MAP7D2: variants seen among roughly 807,000 people sequenced by gnomAD.
The protein encoded by MAP7D2 is MAP7 domain containing 2.
MAP7D2 carries 33 observed loss-of-function variants against 63.5 expected under a neutral mutation model. The observed-to-expected ratio is 0.52, with a 90% CI of 0.39 to 0.70. The LOEUF is 0.70. Ranked by LOEUF, MAP7D2 falls within the 30% of genes least tolerant of loss-of-function variation. The pLI, the probability that MAP7D2 is intolerant of heterozygous loss-of-function variation, is 0.00. For missense variants in MAP7D2, 626 were observed against 604.0 expected, an observed-to-expected ratio of 1.04 and a Z score of -0.38; for synonymous variants, 224 against 223.7, an observed-to-expected ratio of 1.00 and a Z score of -0.01.
chrX:20,027,363 C>T (rs765870663), intron 8 of MAP7D2, among the ~76,000 whole-genome samples: 1 of 112,190 alleles, frequency 8.9e-6, no homozygotes, highest in East Asian at 2.8e-4. Context: ...CGCTGATCTT[C>T]TATTTTTTCC....
chrX:20,021,115 G>C (rs2073623507), intron 10 of MAP7D2, among the ~76,000 whole-genome samples: 1 of 112,266 alleles, frequency 8.9e-6, no homozygotes, highest in Admixed American at 9.4e-5. Flanking sequence ...CCCCAGGGTG[G>C]ACCCGGCGTC....
chrX:20,044,961 G>A, intron 6 of MAP7D2, among the ~76,000 whole-genome samples: 1 of 111,689 alleles, frequency 9.0e-6, no homozygotes, highest in Non-Finnish European at 1.9e-5. Context: ...TGTCTAAACT[G>A]TTTATACAAA....
intron 1 of MAP7D2, among the ~76,000 whole-genome samples, chrX:20,095,359 T>C (rs1451534045): frequency 9.0e-6 from 1 of 111,222 alleles, no homozygotes; most frequent in East Asian, 2.8e-4. Context: ...GGCAACATAG[T>C]GAGACCACAT....
intron 8 of MAP7D2, among the ~76,000 whole-genome samples, chrX:20,035,827 C>T (rs1389469423): frequency 8.1e-5 from 9 of 110,773 alleles, no homozygotes; most frequent in Admixed American, 2.9e-4. Flanking sequence ...GCAGGAGAAT[C>T]GCTTGAACCT....
chrX:20,077,924 C>T (rs1373350037), intron 1 of MAP7D2, among the ~76,000 whole-genome samples: 4 of 112,341 alleles, frequency 3.6e-5, no homozygotes, highest in African/African-American at 6.5e-5. Context: ...TGTAGACACA[C>T]GCCCTTTATG....
At chrX:20,054,414 T>C (rs1247454322) in intron 4 of MAP7D2, among the ~76,000 whole-genome samples, 1 of 111,672 alleles carries the variant, frequency 9.0e-6, no homozygotes, top group African/African-American at 3.3e-5. Context: ...TTGTTTTGCA[T>C]TAATTTGGAT....
intron 1 of MAP7D2, among the ~76,000 whole-genome samples, chrX:20,100,194 T>C (rs2066391257): frequency 8.9e-6 from 1 of 112,184 alleles, no homozygotes; most frequent in South Asian, 3.7e-4. Flanking sequence ...TAAATACATA[T>C]TCATAATATA....
At chrX:20,055,179 G>GAGTTTCCC (rs1338876802) in intron 4 of MAP7D2, among the ~76,000 whole-genome samples, 2 of 110,500 alleles carry the variant, frequency 1.8e-5, no homozygotes, top group Admixed American at 9.6e-5. Context: ...TAGACCAGAG[G>GAGTTTCCC]AGTTTCCCAG....
At chrX:20,051,982 T>C (rs759365377) in intron 5 of MAP7D2, among the ~76,000 whole-genome samples, 5 of 112,376 alleles carry the variant, frequency 4.4e-5, no homozygotes, top group Non-Finnish European at 9.4e-5. Flanking sequence ...AGTAGCATTA[T>C]GAACCTTATA....
intron 15 of MAP7D2, 30 bp downstream of exon 15, chrX:20,012,319 G>C: frequency 1.8e-6 from 2 of 1,084,237 alleles, no homozygotes; most frequent in South Asian, 4.7e-5. Flanking sequence ...GAGAAGTGAT[G>C]AGGCTTAAAT....
intron 1 of MAP7D2, among the ~76,000 whole-genome samples, chrX:20,101,718 AAAAAG>A (rs2066441987): frequency 8.9e-6 from 1 of 112,705 alleles, no homozygotes; most frequent in African/African-American, 3.2e-5. Context: ...ACTCAGAAAT[AAAAAG>A]AAATGAACCA....
At chrX:20,106,205 A>C (rs1569153977) in intron 1 of MAP7D2, among the ~76,000 whole-genome samples, 1 of 112,171 alleles carries the variant, frequency 8.9e-6, no homozygotes, top group Non-Finnish European at 1.9e-5. Flanking sequence ...ATGACAGCTT[A>C]ATAATTCCCA....
intron 1 of MAP7D2, among the ~76,000 whole-genome samples, chrX:20,081,389 C>T (rs960454998): frequency 1.8e-5 from 2 of 112,051 alleles, no homozygotes; most frequent in African/African-American, 6.5e-5. Context: ...GCCCAGATGC[C>T]CATAAGGCCC....
chrX:20,014,643 T>C (rs1231773824), intron 12 of MAP7D2, among the ~76,000 whole-genome samples: 2 of 112,013 alleles, frequency 1.8e-5, no homozygotes, highest in Non-Finnish European at 3.8e-5. Context: ...CATATCACGA[T>C]AAATATATAT....
intron 1 of MAP7D2, among the ~76,000 whole-genome samples, chrX:20,080,028 G>A (rs1190029012): frequency 9.0e-6 from 1 of 111,299 alleles, no homozygotes; most frequent in Non-Finnish European, 1.9e-5. Context: ...TTATCTACCG[G>A]GCACCATGAT....
intron 10 of MAP7D2, among the ~76,000 whole-genome samples, chrX:20,017,814 T>C (rs937966645): frequency 6.3e-5 from 7 of 111,779 alleles, no homozygotes; most frequent in Non-Finnish European, 1.3e-4. Context: ...TTAACTGAAG[T>C]ACCATTTCAT....
At position 20,116,757 on chromosome X, in the gene MAP7D2, C is replaced by A; in HGVS notation, c.123G>T (p.Arg41=). ...GAVRTSQPNY[R]PQGMEGFLKS... The stretch of plus-strand genomic sequence containing the variant: ...ACACTCTGGGGATAATACCTTGAGG[C>A]CGGTAGTTGGGCTGAGAGGTCCGCA... Residue 41 remains arginine, a synonymous_variant, in exon 1 of 17, where the codon CGG becomes CGT. Transcript: ENST00000379643. 8.5e-7 allele frequency: 1 copy of A among 1,180,699 alleles called. No homozygotes were observed. The highest frequency in any genetic ancestry group is 1.9e-5 in the South Asian group (1 of 52,733).
At chrX:20,033,666 G>T (rs1350189557) in intron 8 of MAP7D2, among the ~76,000 whole-genome samples, 2 of 112,118 alleles carry the variant, frequency 1.8e-5, no homozygotes, top group Non-Finnish European at 3.8e-5. Flanking sequence ...ACAGGAAAAG[G>T]TATCATTAAT....
intron 6 of MAP7D2, among the ~76,000 whole-genome samples, chrX:20,048,220 C>A (rs2064851772): frequency 8.9e-6 from 1 of 112,214 alleles, no homozygotes. Context: ...TGAATACCTG[C>A]TTTCCTTCTG....
Sources: gnomAD v4.1 joint callset for allele counts (sites outside exome capture counted in the v4.1 genomes callset) on GRCh38, gnomAD v4.1.1 for gene constraint, MANE v1.5 for transcripts, NCBI Gene and HGNC (gene_info 2026-07-23, HGNC 2026-07-21) for gene names.